The following PJVK variants were observed in gnomAD, a reference collection of about 807,000 sequenced individuals.
PJVK encodes autosomal recessive deafness type 59 protein.
A neutral mutation model predicts 37.6 loss-of-function variants in PJVK; 33 were observed. The observed-to-expected ratio is 0.88, with a 90% CI of 0.67 to 1.17. The LOEUF is 1.17. Among genes scored for constraint, PJVK ranks in the 50% most tolerant of loss-of-function variants. The pLI, the probability that PJVK is intolerant of heterozygous loss-of-function variation, is 0.00. For synonymous variants in PJVK, 141 were observed against 143.5 expected (o/e 0.98, Z 0.13); for missense variants, 410 against 413.8 (o/e 0.99, Z 0.08).
chr2:178,461,584 C>CTTTTTTTTTTTTTTTTTTTTTTTTTTT lies in PJVK; in HGVS notation c.*328_*329insTTTTTTTTTTTTTTTTTTTTTTTTTTT, dbSNP rs536141412. Among the ~76,000 whole-genome samples the CTTTTTTTTTTTTTTTTTTTTTTTTTTT allele has an allele frequency of 8.1e-6, 1 of 122,800 alleles. No homozygotes were observed. Among genetic ancestry groups the CTTTTTTTTTTTTTTTTTTTTTTTTTTT allele is most frequent in the African/African-American group, 3.2e-5 (1 of 30,958 alleles). 80.6% of individuals were successfully genotyped at this position (122,800 alleles called of 152,430 possible). On this transcript the variant is annotated 3_prime_UTR_variant, in exon 7 of 7. Transcript: ENST00000644580. ...GATGTAGTCTATCATTTTAGTTCAC[C>CTTTTTTTTTTTTTTTTTTTTTTTTTTT]TTTTTTTTTTTTTTTTTTGAGACAG...
intron 6 of PJVK, 144 bp downstream of exon 6, chr2:178,460,590 C>G (rs1175866730): frequency 1.3e-6 from 1 of 791,548 alleles, no homozygotes; most frequent in Non-Finnish European, 2.0e-6. Flanking sequence ...TGCCTATAAT[C>G]CCAGCACTTT....
At position 178,461,188 on chromosome 2, in the gene PJVK, T is replaced by C; in HGVS notation, c.973T>C (p.Cys325Arg). The change falls in exon 7 of 7, where the codon TGC becomes CGC. Residue 325 changes from cysteine to arginine, a missense_variant. Coordinates refer to ENST00000644580, the MANE Select transcript of PJVK (RefSeq NM_001042702.5). The part of the protein sequence containing the change: ...GNFKRETVYG[C>R]FQCSVDGQKY... ...CTTCAAAAGGGAGACAGTTTATGGG[T>C]GCTTTCAGTGTTCTGTTGATGGTCA... 1.2e-6 allele frequency: 2 copies of C among 1,614,184 alleles called. No homozygotes were observed. The highest frequency in any genetic ancestry group is 1.7e-6 in the Non-Finnish European group (2 of 1,180,020).
chr2:178,457,023 CAGT>C (rs1423879910), intron 4 of PJVK, among the ~76,000 whole-genome samples: 12 of 152,044 alleles, frequency 7.9e-5, no homozygotes, highest in Non-Finnish European at 1.3e-4. Flanking sequence ...GGCTGGAGTG[CAGT>C]GGCGCGATCT....
In PJVK at chr2:178,460,263, G is replaced by T. The variant is rs986808238; in HGVS notation, c.668-85G>T. 5 of 1,115,564 alleles carry T rather than the reference G, an allele frequency of 4.5e-6. No homozygotes were observed. The African/African-American group carries it at 7.9e-5, about 18-fold the overall frequency. 69.1% of individuals were successfully genotyped at this position (1,115,564 alleles called of 1,614,324 possible). A position where few individuals can be genotyped will look rare whatever the true frequency, so the allele number is the denominator to read the frequency against. ...AACTTTTAAAAACAATACAATGAAT[G>T]ATTTGTACTAGAATTCATCACCCCA... On this transcript the variant is annotated intron_variant, in intron 5 of 6. Transcript: ENST00000644580.
chr2:178,457,938 C>A (rs893996886), intron 4 of PJVK, among the ~76,000 whole-genome samples: 13 of 152,160 alleles, frequency 8.5e-5, no homozygotes, highest in African/African-American at 1.9e-4. Flanking sequence ...TTCAGTGACA[C>A]CTAATAATGA....
rs956744288 is a variant in PJVK at position 178,455,232 on chromosome 2, A to G, written c.407+705A>G. ...TCCAGTGACCCTGAGATCAATACCA[A>G]GAAGATTAACCCTGAGAATTCCAAG... On this transcript the variant is annotated intron_variant, in intron 3 of 6. Transcript: ENST00000644580. 9.6e-6 allele frequency: 15 copies of G among 1,555,890 alleles called. No individual in the cohort carries two copies. The African/African-American group carries it at 2.0e-4, about 21-fold the overall frequency.
At chr2:178,453,286 T>C (rs1697824443) in intron 1 of PJVK, 102 bp from the exon 2 acceptor site, 2 of 1,004,008 alleles carry the variant, frequency 2.0e-6, no homozygotes, top group Admixed American at 4.1e-5. Flanking sequence ...GGTGAAACCA[T>C]GCTTTGTATT....
chr2:178,457,339 G>A lies in PJVK; in HGVS notation c.550-1171G>A, dbSNP rs1037717967. On this transcript the variant is annotated intron_variant, in intron 4 of 6. Coordinates refer to ENST00000644580, the MANE Select transcript of PJVK (RefSeq NM_001042702.5). ...ATCCTTTAAAAAATATTAGCGGCAAGGTGCAGTGGATCATGCCTGTAATCC... is the reference window on the plus strand; with the variant it reads ...ATCCTTTAAAAAATATTAGCGGCAAAGTGCAGTGGATCATGCCTGTAATCC... Among the ~76,000 whole-genome samples, 15 of 152,314 alleles carry A rather than the reference G, an allele frequency of 9.8e-5. No individual in the cohort carries two copies. In the East Asian group the frequency reaches 2.9e-3, roughly 29 times the overall value.
chr2:178,453,745 A>C (rs1211546322), intron 2 of PJVK, 125 bp downstream of exon 2: 6 of 779,448 alleles, frequency 7.7e-6, no homozygotes, highest in Non-Finnish European at 1.3e-5. Flanking sequence ...TTTTATTATG[A>C]TGTTAGTGTA....
chr2:178,453,248 C>G, intron 1 of PJVK, 140 bp from the exon 2 acceptor site: 1 of 685,080 alleles, frequency 1.5e-6, no homozygotes, highest in Non-Finnish European at 2.5e-6. Flanking sequence ...TGAGCAGAGG[C>G]AGGGAATTAT....
At position 178,461,584 on chromosome 2, in the gene PJVK, C is replaced by T. The variant is rs796244734; in HGVS notation, c.*310C>T. 1.9e-4 allele frequency among the ~76,000 whole-genome samples: 23 copies of T among 122,778 alleles called. No homozygotes were observed. Among genetic ancestry groups the T allele is most frequent in the African/African-American group, 5.2e-4 (16 of 30,998 alleles). 80.5% of individuals were successfully genotyped at this position (122,778 alleles called of 152,430 possible). ...GATGTAGTCTATCATTTTAGTTCAC[C>T]TTTTTTTTTTTTTTTTTTGAGACAG... On this transcript the variant is annotated 3_prime_UTR_variant, in exon 7 of 7. Coordinates refer to ENST00000644580, the MANE Select transcript of PJVK (RefSeq NM_001042702.5).
intron 1 of PJVK, chr2:178,452,506 T>C (rs777610963): frequency 4.3e-5 from 42 of 985,176 alleles, no homozygotes; most frequent in Non-Finnish European, 4.8e-5. Flanking sequence ...AAGGGCTACA[T>C]AGTCAGTATT....
At chr2:178,454,674 C>A (rs375145543) in intron 3 of PJVK, 147 bp downstream of exon 3, 2 of 1,439,060 alleles carry the variant, frequency 1.4e-6, no homozygotes, top group South Asian at 1.2e-5. Flanking sequence ...GGTAGTATAT[C>A]CAAACTTTGA....
At chr2:178,458,327 G>T (rs778163120) in intron 4 of PJVK, among the ~76,000 whole-genome samples, 183 bp from the exon 5 acceptor site, 22 of 152,166 alleles carry the variant, frequency 1.4e-4, no homozygotes, top group Admixed American at 1.4e-3. Flanking sequence ...ATATAGACCA[G>T]GAGTTTCTGT....
At chr2:178,460,319 A>G in intron 5 of PJVK, 29 bp from the exon 6 acceptor site, 1 of 1,542,882 alleles carries the variant, frequency 6.5e-7, no homozygotes, top group South Asian at 1.1e-5. Context: ...TATTCAAGTT[A>G]TAACATCTTC....
At chr2:178,455,057 G>A in intron 3 of PJVK, 1 of 1,401,324 alleles carries the variant, frequency 7.1e-7, no homozygotes, top group East Asian at 2.3e-5. Flanking sequence ...GCACCTCCAG[G>A]TGGGGCTCAA....
At position 178,455,005 on chromosome 2, in the gene PJVK, TC is replaced by T. The variant is rs1683940832; in HGVS notation, c.407+480del. 4.0e-5 allele frequency: 42 copies of T among 1,045,996 alleles called. 1 individual carries two copies. In the South Asian group the frequency reaches 4.6e-4, roughly 12 times the overall value. 64.8% of individuals were successfully genotyped at this position (1,045,996 alleles called of 1,614,324 possible). ...CTGGCGGTCCCTTTCTGTGTGGACT[TC>T]CAGCTGAAAGGGAAGGACGTGGTGG... On this transcript the variant is annotated intron_variant, in intron 3 of 6. Coordinates refer to ENST00000644580, the MANE Select transcript of PJVK (RefSeq NM_001042702.5).
intron 3 of PJVK, among the ~76,000 whole-genome samples, 171 bp from the exon 4 acceptor site, chr2:178,455,834 ATAGAG>A (rs1356130804): frequency 6.6e-6 from 1 of 152,216 alleles, no homozygotes; most frequent in Non-Finnish European, 1.5e-5. Flanking sequence ...TTTTAAGAAA[ATAGAG>A]AGGAGAGACA....
At chr2:178,455,488 C>T (rs1575115993) in intron 3 of PJVK, 2 of 1,008,942 alleles carry the variant, frequency 2.0e-6, no homozygotes, top group African/African-American at 1.6e-5. Flanking sequence ...ACTTTCTTTC[C>T]CACTCTTCTC....
Sources: gnomAD v4.1 joint callset for allele counts (sites outside exome capture counted in the v4.1 genomes callset) on GRCh38, gnomAD v4.1.1 for gene constraint, MANE v1.5 for transcripts, NCBI Gene and HGNC (gene_info 2026-07-23, HGNC 2026-07-21) for gene names.